ANKRD31: variants seen among roughly 807,000 people sequenced by gnomAD.
ANKRD31 encodes the protein ankyrin repeat domain-containing protein 31.
ANKRD31 carries 147 observed loss-of-function variants against 186.0 expected under a neutral mutation model. That is an observed-to-expected ratio of 0.79 (90% CI 0.69 to 0.91). ANKRD31 has a LOEUF of 0.91. Among genes scored for constraint, ANKRD31 ranks in the 40% least tolerant of loss-of-function variants. The pLI, the probability that ANKRD31 is intolerant of heterozygous loss-of-function variation, is 0.00. For synonymous variants in ANKRD31, 673 were observed against 736.4 expected (o/e 0.91, Z 1.39); for missense variants, 1,986 against 2,148.8 (o/e 0.92, Z 1.50).
intron 14 of ANKRD31, among the ~76,000 whole-genome samples, 193 bp from the exon 15 acceptor site, chr5:75,144,364 A>G (rs1168723416): frequency 6.6e-6 from 1 of 152,142 alleles, no homozygotes; most frequent in Non-Finnish European, 1.5e-5. Context: ...TATAGTAGAT[A>G]GTTGAAATGA....
At chr5:75,158,468 A>T (rs951390883) in intron 11 of ANKRD31, among the ~76,000 whole-genome samples, 3 of 152,180 alleles carry the variant, frequency 2.0e-5, no homozygotes, top group Non-Finnish European at 2.9e-5. Flanking sequence ...CAGAGTTGCT[A>T]TAATACATTA....
rs1210080751 is a variant in ANKRD31 at position 75,229,864 on chromosome 5, C to CAAAAAAAAA, written c.178+689_178+697dup. The stretch of plus-strand genomic sequence containing the variant: ...TGGGCGACAGAGTGAGACTCTGTCT[C>CAAAAAAAAA]AAAAAAAAAAAAAAAAAAAAAAACA... On this transcript the variant is annotated intron_variant, in intron 2 of 25. Transcript: ENST00000506364. 8.8e-3 allele frequency among the ~76,000 whole-genome samples: 316 copies of CAAAAAAAAA among 36,060 alleles called. 1 individual carries two copies. Among genetic ancestry groups the CAAAAAAAAA allele is most frequent in the Middle Eastern group, 0.016 (1 of 64 alleles). 23.7% of individuals were successfully genotyped at this position (36,060 alleles called of 152,430 possible).
rs182523488 is a variant in ANKRD31, at chr5:75,145,161, A to T, written c.3424+826T>A. ...GGTGGGAGTGTAAATTAGTTCAACC[A>T]TTATGGAAGACAGTACAGTGATTCC... On this transcript the variant is annotated intron_variant, in intron 14 of 25. Transcript: ENST00000506364. Among the ~76,000 whole-genome samples, 42 of 152,290 alleles carry T rather than the reference A, an allele frequency of 2.8e-4. No individual in the cohort carries two copies. In the East Asian group the frequency reaches 7.7e-3, roughly 28 times the overall value.
chr5:75,195,753 C>A lies in ANKRD31; in HGVS notation c.895G>T (p.Ala299Ser). The change falls in exon 7 of 26, where the codon GCC becomes TCC. Residue 299 changes from alanine to serine, a missense_variant. Coordinates refer to ENST00000506364, the MANE Select transcript of ANKRD31 (RefSeq NM_001372053.1). ...CTGTGACAGATGGTTTCCACCTTGG[C>A]TTCTGACAATGTGTTCAGGGCTTCC... ...LLEALNTLSE[A>S]KVETICHRKE... The A allele has an allele frequency of 6.5e-7, 1 of 1,537,486 alleles. No homozygotes were observed. The highest frequency in any genetic ancestry group is 2.0e-5 in the Admixed American group (1 of 50,976).
At chr5:75,231,230 T>C (rs1757934993) in intron 1 of ANKRD31, among the ~76,000 whole-genome samples, 1 of 151,086 alleles carries the variant, frequency 6.6e-6, no homozygotes, top group Admixed American at 6.6e-5. Flanking sequence ...CCACCATGCC[T>C]GGCTATTTTT....
At chr5:75,170,557 A>G (rs939881202) in intron 10 of ANKRD31, among the ~76,000 whole-genome samples, 1 of 152,100 alleles carries the variant, frequency 6.6e-6, no homozygotes, top group Non-Finnish European at 1.5e-5. Flanking sequence ...GATTTTTTAA[A>G]TGGGTAAATT....
intron 14 of ANKRD31, among the ~76,000 whole-genome samples, chr5:75,145,452 C>A (rs1751366786): frequency 6.6e-6 from 1 of 152,010 alleles, no homozygotes; most frequent in African/African-American, 2.4e-5. Flanking sequence ...ATGAATGAAG[C>A]TGGAAACCAT....
At chr5:75,180,234 G>A (rs952404549) in intron 10 of ANKRD31, among the ~76,000 whole-genome samples, 8 of 152,136 alleles carry the variant, frequency 5.3e-5, no homozygotes, top group Admixed American at 5.2e-4. Flanking sequence ...AAATGAAAGA[G>A]GATACAAACA....
chr5:75,230,667 G>C, intron 1 of ANKRD31, 32 bp from the exon 2 acceptor site: 1 of 1,406,450 alleles, frequency 7.1e-7, no homozygotes, highest in Non-Finnish European at 9.7e-7. Context: ...GGCACAAGTT[G>C]TTAATGTGTC....
intron 10 of ANKRD31, among the ~76,000 whole-genome samples, chr5:75,176,369 A>T (rs139236250): frequency 6.6e-6 from 1 of 152,218 alleles, no homozygotes; most frequent in East Asian, 1.9e-4. Flanking sequence ...CCTGTCTGAC[A>T]GCTTTGAAGA....
chr5:75,116,290 G>A (rs1419117521), intron 19 of ANKRD31, among the ~76,000 whole-genome samples: 1 of 150,196 alleles, frequency 6.7e-6, no homozygotes, highest in East Asian at 2.0e-4. Flanking sequence ...GGATAGCATT[G>A]GGAGATACAC....
chr5:75,199,995 C>T (rs1755708270), intron 5 of ANKRD31, among the ~76,000 whole-genome samples: 1 of 152,126 alleles, frequency 6.6e-6, no homozygotes, highest in African/African-American at 2.4e-5. Context: ...AGGAAAAAGA[C>T]TATCTACTTT....
At chr5:75,233,067 CTT>C (rs112701018) in intron 1 of ANKRD31, among the ~76,000 whole-genome samples, 1 of 146,154 alleles carries the variant, frequency 6.8e-6, no homozygotes. Flanking sequence ...TTTTCTTTTC[CTT>C]TTTTTTTTTT....
intron 17 of ANKRD31, among the ~76,000 whole-genome samples, chr5:75,130,329 G>A (rs1474519563): frequency 6.6e-6 from 1 of 152,218 alleles, no homozygotes; most frequent in African/African-American, 2.4e-5. Flanking sequence ...ATTGCAAAGA[G>A]CAAAAGAACA....
intron 2 of ANKRD31, among the ~76,000 whole-genome samples, chr5:75,227,508 C>G (rs1757700448): frequency 6.6e-6 from 1 of 151,958 alleles, no homozygotes; most frequent in Non-Finnish European, 1.5e-5. Flanking sequence ...GCCTAAATAT[C>G]TCATATACCC....
At chr5:75,196,516 G>A (rs1000321815) in intron 6 of ANKRD31, among the ~76,000 whole-genome samples, 10 of 152,214 alleles carry the variant, frequency 6.6e-5, no homozygotes, top group African/African-American at 2.4e-4. Flanking sequence ...GGCATGGATA[G>A]TTAAATTAAC....
chr5:75,084,986 T>C (rs1745370596), intron 23 of ANKRD31, among the ~76,000 whole-genome samples: 2 of 152,184 alleles, frequency 1.3e-5, no homozygotes, highest in Non-Finnish European at 2.9e-5. Context: ...TGGTAAATTC[T>C]GCCAGAAATG....
At position 75,104,210 on chromosome 5, in the gene ANKRD31, G is replaced by GA. The variant is rs760988894; in HGVS notation, c.5331+17dup. The GA allele has an allele frequency of 4.8e-6, 7 of 1,457,616 alleles. No individual in the cohort carries two copies. Among genetic ancestry groups the GA allele is most frequent in the African/African-American group, 1.4e-5 (1 of 69,852 alleles). 90.3% of individuals were successfully genotyped at this position (1,457,616 alleles called of 1,614,324 possible). A position where few individuals can be genotyped will look rare whatever the true frequency, so the allele number is the denominator to read the frequency against. On this transcript the variant is annotated intron_variant, in intron 22 of 25. Coordinates refer to ENST00000506364, the MANE Select transcript of ANKRD31 (RefSeq NM_001372053.1). ...TTTATAAAATTTGCATGATTTTAGA[G>GA]AAAAAAATATAGAATACCTGTGTTT...
chr5:75,208,922 T>G (rs1756430274), intron 4 of ANKRD31, among the ~76,000 whole-genome samples: 1 of 152,236 alleles, frequency 6.6e-6, no homozygotes, highest in African/African-American at 2.4e-5. Flanking sequence ...TTTTCCCCCA[T>G]GTACATTAAA....
Sources: allele counts gnomAD v4.1 joint callset (sites outside exome capture counted in the v4.1 genomes callset), GRCh38; gene constraint gnomAD v4.1.1; transcripts MANE v1.5; gene names NCBI Gene and HGNC (gene_info 2026-07-23, HGNC 2026-07-21).